Variants in FOXP1 observed in about 807,000 individuals in gnomAD.
The protein encoded by FOXP1 is forkhead box P1.
FOXP1 carries 15 observed loss-of-function variants against 98.2 expected under a neutral mutation model. The observed-to-expected ratio is 0.15, with a 90% CI of 0.10 to 0.24. FOXP1 has a LOEUF of 0.24. Among genes scored for constraint, FOXP1 ranks in the 10% least tolerant of loss-of-function variants. FOXP1 has a pLI of 1.00. For missense variants in FOXP1, 633 were observed against 848.5 expected (o/e 0.75, Z 3.15); for synonymous variants, 371 against 314.5 (o/e 1.18, Z -1.90).
chr3:71,229,176 CCAGTTTCTCCTGACTTCTTG>C (rs986719473), intron 5 of FOXP1, among the ~76,000 whole-genome samples: 1 of 152,032 alleles, frequency 6.6e-6, no homozygotes. Flanking sequence ...AGCCGAGATA[CCAGTTTCTCCTGACTTCTTG>C]CAGACAGGTA....
At chr3:71,315,757 G>T (rs1472011851) in intron 4 of FOXP1, among the ~76,000 whole-genome samples, 1 of 152,162 alleles carries the variant, frequency 6.6e-6, no homozygotes, top group Non-Finnish European at 1.5e-5. Flanking sequence ...GTTAAGAGGA[G>T]ATTTAAGAGG....
chr3:71,213,464 G>A (rs2064661221), intron 5 of FOXP1, among the ~76,000 whole-genome samples: 1 of 152,200 alleles, frequency 6.6e-6, no homozygotes, highest in African/African-American at 2.4e-5. Context: ...AAAATACAGA[G>A]CTAAAGTAAA....
intron 14 of FOXP1, 30 bp from the exon 15 acceptor site, chr3:70,978,059 A>ACCTTCAGAAAACC (rs1471872933): frequency 6.2e-7 from 1 of 1,602,206 alleles, no homozygotes; most frequent in Non-Finnish European, 8.5e-7. Context: ...GTCTTAGAAG[A>ACCTTCAGAAAACC]CCTTCAGAAA....
At chr3:71,281,139 G>A (rs1209876487) in intron 5 of FOXP1, among the ~76,000 whole-genome samples, 1 of 151,432 alleles carries the variant, frequency 6.6e-6, no homozygotes, top group Non-Finnish European at 1.5e-5. Flanking sequence ...TGAGGTGAGA[G>A]GATCACCTGA....
chr3:71,158,289 T>A (rs1013520615), intron 6 of FOXP1, among the ~76,000 whole-genome samples: 1 of 151,760 alleles, frequency 6.6e-6, no homozygotes, highest in Non-Finnish European at 1.5e-5. Context: ...AGTAGATCAA[T>A]AAATAAAAGT....
intron 19 of FOXP1, chr3:70,969,867 G>A (rs1034346379): frequency 7.3e-6 from 1 of 136,330 alleles, no homozygotes; most frequent in African/African-American, 2.8e-5. Context: ...CGAACAGTCT[G>A]GGTAGGGGCA....
At chr3:71,305,639 C>G (rs2074219324) in intron 4 of FOXP1, 1 of 152,040 alleles carries the variant, frequency 6.6e-6, no homozygotes, top group Admixed American at 6.5e-5. Context: ...TAAAGCTGCT[C>G]TCTCTCTCTC....
At chr3:71,237,778 C>T (rs1282228113) in intron 5 of FOXP1, among the ~76,000 whole-genome samples, 1 of 152,166 alleles carries the variant, frequency 6.6e-6, no homozygotes, top group Admixed American at 6.5e-5. Context: ...TCTATAAGTT[C>T]CACAGCTGAT....
intron 6 of FOXP1, among the ~76,000 whole-genome samples, chr3:71,175,767 GT>G (rs2061906609): frequency 6.6e-6 from 1 of 152,182 alleles, no homozygotes; most frequent in African/African-American, 2.4e-5. Flanking sequence ...TGACTTGTAG[GT>G]TATGAATCTT....
intron 6 of FOXP1, among the ~76,000 whole-genome samples, chr3:71,156,242 G>C (rs934736085): frequency 2.0e-5 from 3 of 152,136 alleles, no homozygotes; most frequent in Non-Finnish European, 4.4e-5. Context: ...ATGATGCATG[G>C]CTCTGGGAAT....
At position 71,153,917 on chromosome 3, in the gene FOXP1, T is replaced by C. The variant is rs535943898; in HGVS notation, c.181-41280A>G. ...TAATGAATAACATTTATTGGGCCCC[T>C]ACTATACACATATGACACGTAGCAT... is the stretch of plus-strand genomic sequence containing the variant. On this transcript the variant is annotated intron_variant, in intron 6 of 20. Transcript: ENST00000649528. Among the ~76,000 whole-genome samples the C allele has an allele frequency of 5.9e-5, 9 of 152,316 alleles. No individual in the cohort carries two copies. The South Asian group carries it at 1.9e-3, about 32-fold the overall frequency.
chr3:71,114,135 A>G (rs1382232357), intron 6 of FOXP1, among the ~76,000 whole-genome samples: 1 of 152,242 alleles, frequency 6.6e-6, no homozygotes, highest in Non-Finnish European at 1.5e-5. Context: ...AATACATCAA[A>G]AGGACCTGAA....
At chr3:71,504,620 T>C (rs2041668988) in intron 2 of FOXP1, among the ~76,000 whole-genome samples, 1 of 152,108 alleles carries the variant, frequency 6.6e-6, no homozygotes, top group Admixed American at 6.5e-5. Flanking sequence ...CACAGTTCCT[T>C]CTGACAAAGG....
intron 2 of FOXP1, among the ~76,000 whole-genome samples, chr3:71,495,496 G>GA (rs1455711394): frequency 2.0e-5 from 3 of 152,154 alleles, no homozygotes; most frequent in African/African-American, 7.2e-5. Flanking sequence ...GTGAATAAAT[G>GA]AATCAACAAC....
intron 7 of FOXP1, among the ~76,000 whole-genome samples, chr3:71,074,225 CATTATT>C (rs917352653): frequency 3.3e-5 from 5 of 151,932 alleles, no homozygotes; most frequent in Non-Finnish European, 7.4e-5. Flanking sequence ...TAAGAGCTTA[CATTATT>C]ATTATTATTA....
At chr3:71,405,781 T>G (rs1408996534) in intron 3 of FOXP1, among the ~76,000 whole-genome samples, 1 of 151,946 alleles carries the variant, frequency 6.6e-6, no homozygotes, top group East Asian at 1.9e-4. Context: ...CAGGCTGGAG[T>G]GCAGTGGCTC....
At chr3:71,364,521 T>C (rs997655242) in intron 3 of FOXP1, among the ~76,000 whole-genome samples, 1 of 152,238 alleles carries the variant, frequency 6.6e-6, no homozygotes, top group Admixed American at 6.5e-5. Context: ...TGAATGCCTT[T>C]TGTTGTTGCT....
At chr3:71,096,213 G>A (rs2056439514) in intron 7 of FOXP1, among the ~76,000 whole-genome samples, 1 of 152,238 alleles carries the variant, frequency 6.6e-6, no homozygotes, top group Non-Finnish European at 1.5e-5. Flanking sequence ...AAAGCAGAAT[G>A]AAATCAATAC....
chr3:71,052,646 C>T lies in FOXP1; in HGVS notation c.421-20G>A, dbSNP rs780807824. On this transcript the variant is annotated intron_variant, in intron 8 of 20. Coordinates refer to ENST00000649528, the MANE Select transcript of FOXP1 (RefSeq NM_001349338.3). ...CTGCTGCTACAAAGGAAAGAGAGGA[C>T]GGTAAGTAACAGAGGGTAGCGCCAA... 7 of 975,310 alleles carry T rather than the reference C, an allele frequency of 7.2e-6. No homozygotes were observed. The highest frequency in any genetic ancestry group is 1.7e-5 in the Admixed American group (1 of 59,280). 60.4% of individuals were successfully genotyped at this position (975,310 alleles called of 1,614,324 possible).
Sources: allele counts gnomAD v4.1 joint callset (sites outside exome capture counted in the v4.1 genomes callset), GRCh38; gene constraint gnomAD v4.1.1; transcripts MANE v1.5; gene names NCBI Gene and HGNC (gene_info 2026-07-23, HGNC 2026-07-21).